TCF4: variants seen among roughly 807,000 people sequenced by gnomAD.
TCF4 encodes the protein transcription factor 4.
A neutral mutation model predicts 82.1 loss-of-function variants in TCF4; 3 were observed. The ratio of observed to expected loss-of-function variants is 0.04; its 90% CI spans 0.02 to 0.09. The LOEUF is 0.09. Ranked by LOEUF, TCF4 falls within the 10% of genes least tolerant of loss-of-function variation. TCF4 has a pLI of 1.00. For missense variants in TCF4, 518 were observed against 852.7 expected, an observed-to-expected ratio of 0.61 and a Z score of 4.89; for synonymous variants, 276 against 309.6, an observed-to-expected ratio of 0.89 and a Z score of 1.14.
At chr18:55,421,394 TTC>T (rs2094749419) in intron 5 of TCF4, among the ~76,000 whole-genome samples, 1 of 152,238 alleles carries the variant, frequency 6.6e-6, no homozygotes, top group African/African-American at 2.4e-5. Context: ...TGATGATTCT[TTC>T]TGTTTTACTG....
chr18:55,282,924 G>T (rs139583417), intron 8 of TCF4, among the ~76,000 whole-genome samples: 4 of 151,890 alleles, frequency 2.6e-5, no homozygotes, highest in African/African-American at 9.7e-5. Context: ...TGAAACTTTT[G>T]TTGCCGAATT....
chr18:55,534,568 G>A (rs1312326806), intron 3 of TCF4, among the ~76,000 whole-genome samples: 1 of 152,164 alleles, frequency 6.6e-6, no homozygotes, highest in Non-Finnish European at 1.5e-5. Context: ...CTTCTTCACT[G>A]TTTTAGAGAA....
At chr18:55,530,430 A>C (rs2097047349) in intron 3 of TCF4, among the ~76,000 whole-genome samples, 1 of 152,028 alleles carries the variant, frequency 6.6e-6, no homozygotes, top group African/African-American at 2.4e-5. Flanking sequence ...ATAAAGGAAG[A>C]AGCAGACATA....
intron 8 of TCF4, among the ~76,000 whole-genome samples, chr18:55,327,759 T>C (rs888587600): frequency 5.3e-5 from 8 of 152,142 alleles, no homozygotes; most frequent in Non-Finnish European, 1.2e-4. Flanking sequence ...TATTTCCCTT[T>C]AGAAGAAAGA....
At chr18:55,299,468 T>G (rs1272066251) in intron 8 of TCF4, among the ~76,000 whole-genome samples, 2 of 151,300 alleles carry the variant, frequency 1.3e-5, no homozygotes, top group Non-Finnish European at 2.9e-5. Context: ...TTTTTTTTTT[T>G]TGGGTCTGGT....
intron 3 of TCF4, among the ~76,000 whole-genome samples, chr18:55,544,764 T>C (rs1200778351): frequency 6.6e-6 from 1 of 152,160 alleles, no homozygotes; most frequent in Non-Finnish European, 1.5e-5. Flanking sequence ...CTATGGTTCA[T>C]AATCTAACAC....
At chr18:55,326,401 C>CAAAA (rs59228811) in intron 8 of TCF4, among the ~76,000 whole-genome samples, 19 of 26,384 alleles carry the variant, frequency 7.2e-4, no homozygotes, top group East Asian at 1.3e-3. Flanking sequence ...AGAGCAGCAG[C>CAAAA]AAAAAAAAAA....
chr18:55,259,909 TAA>T, intron 13 of TCF4, 38 bp downstream of exon 13: 1 of 1,537,826 alleles, frequency 6.5e-7, no homozygotes, highest in Admixed American at 1.7e-5. Context: ...ATCATTCTTA[TAA>T]ACTGTTATAT....
chr18:55,511,703 AACT>A (rs1311561266), intron 3 of TCF4, among the ~76,000 whole-genome samples: 1 of 152,120 alleles, frequency 6.6e-6, no homozygotes, highest in Non-Finnish European at 1.5e-5. Context: ...GTTTTACCTA[AACT>A]AAATTATTCC....
intron 3 of TCF4, among the ~76,000 whole-genome samples, chr18:55,488,230 C>T (rs185578828): frequency 4.6e-5 from 7 of 152,204 alleles, no homozygotes; most frequent in Admixed American, 1.3e-4. Context: ...CAGGGTTTTC[C>T]GTTTAAATGT....
intron 15 of TCF4, among the ~76,000 whole-genome samples, chr18:55,239,500 A>T (rs1254794590): frequency 1.3e-5 from 2 of 151,840 alleles, no homozygotes; most frequent in Non-Finnish European, 2.9e-5. Flanking sequence ...GTTTTAAAAC[A>T]GTGTGTGTGT....
intron 5 of TCF4, among the ~76,000 whole-genome samples, chr18:55,423,895 T>C (rs941839343): frequency 1.3e-4 from 20 of 151,752 alleles, no homozygotes; most frequent in African/African-American, 4.6e-4. Flanking sequence ...ATGGAAGGGG[T>C]GGTGACTGGG....
intron 3 of TCF4, among the ~76,000 whole-genome samples, chr18:55,583,510 G>C (rs544943790): frequency 6.6e-6 from 1 of 152,184 alleles, no homozygotes; most frequent in East Asian, 1.9e-4. Context: ...TGTGAACATA[G>C]AAAATGGATC....
intron 8 of TCF4, among the ~76,000 whole-genome samples, chr18:55,297,918 T>C (rs995629340): frequency 3.9e-5 from 6 of 152,234 alleles, no homozygotes; most frequent in African/African-American, 1.2e-4. Context: ...GGAGGGCTTT[T>C]ATCTTTTAAC....
intron 15 of TCF4, among the ~76,000 whole-genome samples, chr18:55,248,642 CCACT>C (rs1287427912): frequency 2.0e-5 from 3 of 152,198 alleles, no homozygotes; most frequent in African/African-American, 7.2e-5. Context: ...CTAATTTCTA[CCACT>C]CACAGTTTTG....
At chr18:55,454,300 C>G (rs1449172731) in intron 5 of TCF4, among the ~76,000 whole-genome samples, 1 of 152,158 alleles carries the variant, frequency 6.6e-6, no homozygotes, top group Admixed American at 6.5e-5. Flanking sequence ...GGATATAGTC[C>G]TATAGAACAA....
At chr18:55,437,931 C>T (rs1047867313) in intron 5 of TCF4, among the ~76,000 whole-genome samples, 5 of 152,060 alleles carry the variant, frequency 3.3e-5, no homozygotes, top group Non-Finnish European at 5.9e-5. Context: ...CCAGGCACAG[C>T]GGCTCACGCC....
intron 15 of TCF4, among the ~76,000 whole-genome samples, chr18:55,250,031 G>A (rs1176603295): frequency 6.6e-6 from 1 of 152,166 alleles, no homozygotes; most frequent in Non-Finnish European, 1.5e-5. Context: ...AGGTCTCTGA[G>A]GCAGAGAGGG....
intron 15 of TCF4, among the ~76,000 whole-genome samples, chr18:55,243,396 T>C (rs942565732): frequency 4.6e-5 from 7 of 152,312 alleles, no homozygotes; most frequent in Admixed American, 3.9e-4. Flanking sequence ...ATGTGTGTAT[T>C]ATTGGCCCAA....
Sources: allele counts gnomAD v4.1 joint callset (sites outside exome capture counted in the v4.1 genomes callset), GRCh38; gene constraint gnomAD v4.1.1; transcripts MANE v1.5; gene names NCBI Gene and HGNC (gene_info 2026-07-23, HGNC 2026-07-21).